Variants in MALRD1 observed in about 807,000 individuals in gnomAD.
MALRD1 encodes MAM and LDL receptor class A domain containing 1.
A neutral mutation model predicts 242.1 loss-of-function variants in MALRD1; 247 were observed. The observed-to-expected ratio is 1.02, with a 90% CI of 0.92 to 1.13. MALRD1 has a LOEUF of 1.13. Among genes scored for constraint, MALRD1 ranks in the 50% most tolerant of loss-of-function variants. The pLI is 0.00. For missense variants in MALRD1, 2,989 were observed against 2,533.1 expected (o/e 1.18, Z -3.86); for synonymous variants, 995 against 866.6 (o/e 1.15, Z -2.60).
chr10:19,280,699 CCT>C (rs955256255), intron 20 of MALRD1, among the ~76,000 whole-genome samples: 50 of 152,264 alleles, frequency 3.3e-4, no homozygotes, highest in African/African-American at 1.1e-3. Flanking sequence ...ACCTTTATCC[CCT>C]GTGTCCTGGT....
intron 29 of MALRD1, among the ~76,000 whole-genome samples, chr10:19,454,256 A>G (rs1438394968): frequency 2.6e-5 from 4 of 151,856 alleles, no homozygotes; most frequent in African/African-American, 9.7e-5. Context: ...AGGACAAACC[A>G]CAAACAGTGA....
chr10:19,344,722 G>A (rs1011043298), intron 24 of MALRD1, among the ~76,000 whole-genome samples: 1 of 126,640 alleles, frequency 7.9e-6, no homozygotes, highest in Non-Finnish European at 1.6e-5. Context: ...ATGTCAATTG[G>A]GGGGGGGGAG....
chr10:19,428,772 T>A (rs1834002821), intron 28 of MALRD1, among the ~76,000 whole-genome samples: 1 of 152,194 alleles, frequency 6.6e-6, no homozygotes, highest in African/African-American at 2.4e-5. Context: ...TATAAGTTAA[T>A]CCCATTTTGT....
intron 36 of MALRD1, among the ~76,000 whole-genome samples, chr10:19,682,891 G>T (rs1474878231): frequency 6.6e-6 from 1 of 152,076 alleles, no homozygotes; most frequent in Non-Finnish European, 1.5e-5. Context: ...ACCTCATCTG[G>T]GCATGGGGAA....
intron 13 of MALRD1, among the ~76,000 whole-genome samples, chr10:19,166,407 G>T (rs956415519): frequency 6.6e-6 from 1 of 152,164 alleles, no homozygotes; most frequent in Non-Finnish European, 1.5e-5. Context: ...GAGAATGGTG[G>T]TTACTAGAGG....
At chr10:19,376,991 AAGG>A (rs1387122022) in intron 26 of MALRD1, among the ~76,000 whole-genome samples, 2 of 152,204 alleles carry the variant, frequency 1.3e-5, no homozygotes, top group Non-Finnish European at 2.9e-5. Context: ...TATTAAGTAA[AAGG>A]AGAATGATTA....
At chr10:19,586,652 G>T (rs1837423025) in intron 33 of MALRD1, among the ~76,000 whole-genome samples, 1 of 152,208 alleles carries the variant, frequency 6.6e-6, no homozygotes, top group Admixed American at 6.5e-5. Context: ...GGACATTTAA[G>T]TTTGCAGAGG....
chr10:19,124,000 G>A (rs1237002463), intron 6 of MALRD1, among the ~76,000 whole-genome samples: 4 of 143,156 alleles, frequency 2.8e-5, no homozygotes, highest in East Asian at 4.1e-4. Flanking sequence ...GAGGCCAAGA[G>A]CTCAAAATTA....
At chr10:19,385,422 C>T (rs557277435) in intron 26 of MALRD1, among the ~76,000 whole-genome samples, 2 of 152,056 alleles carry the variant, frequency 1.3e-5, no homozygotes, top group South Asian at 2.1e-4. Flanking sequence ...TCTCATTACT[C>T]ATTATTGATC....
intron 14 of MALRD1, among the ~76,000 whole-genome samples, chr10:19,191,930 G>A (rs1442144602): frequency 2.0e-5 from 3 of 152,056 alleles, no homozygotes; most frequent in Admixed American, 6.6e-5. Context: ...CCTGGGAAGC[G>A]GAGGTTGTAG....
At chr10:19,337,846 A>C (rs1843677375) in intron 24 of MALRD1, among the ~76,000 whole-genome samples, 1 of 151,986 alleles carries the variant, frequency 6.6e-6, no homozygotes, top group South Asian at 2.1e-4. Context: ...GTGGATCATG[A>C]GGTCAGGAGA....
chr10:19,049,043 A>T lies in MALRD1; in HGVS notation c.105A>T (p.Thr35=), dbSNP rs1207428900. 8.1e-7 allele frequency: 1 copy of T among 1,233,918 alleles called. No individual in the cohort carries two copies. The highest frequency in any genetic ancestry group is 3.2e-5 in the East Asian group (1 of 31,700). 76.4% of individuals were successfully genotyped at this position (1,233,918 alleles called of 1,614,324 possible). ...VFNSTLAQQG[T]ESFQCDNGVS... ...ATTCTACACTGGCTCAGCAAGGGAC[A>T]GAAAGCTTTCAGTGTGACAATGGAG... The change falls in exon 1 of 40, where the codon ACA becomes ACT. Residue 35 remains threonine, a synonymous_variant. Transcript: ENST00000454679.
chr10:19,283,914 T>C (rs563112994), intron 21 of MALRD1, among the ~76,000 whole-genome samples: 1 of 152,314 alleles, frequency 6.6e-6, no homozygotes, highest in South Asian at 2.1e-4. Context: ...AAACAGATGA[T>C]CCTTGCTCTC....
At chr10:19,165,450 G>A (rs1428273746) in intron 12 of MALRD1, among the ~76,000 whole-genome samples, 187 bp from the exon 13 acceptor site, 1 of 151,410 alleles carries the variant, frequency 6.6e-6, no homozygotes, top group Non-Finnish European at 1.5e-5. Context: ...TTACACGCAT[G>A]CACCACCACA....
At chr10:19,252,221 G>A (rs1839321150) in intron 18 of MALRD1, among the ~76,000 whole-genome samples, 1 of 151,982 alleles carries the variant, frequency 6.6e-6, no homozygotes, top group South Asian at 2.1e-4. Flanking sequence ...ATGTCTTCTT[G>A]TGAGATATCC....
intron 28 of MALRD1, among the ~76,000 whole-genome samples, chr10:19,411,812 A>C (rs1241428120): frequency 6.6e-6 from 1 of 152,164 alleles, no homozygotes; most frequent in Non-Finnish European, 1.5e-5. Flanking sequence ...GGTAAGAGAA[A>C]ATTTTAATTA....
intron 13 of MALRD1, among the ~76,000 whole-genome samples, chr10:19,174,148 C>T (rs1213560511): frequency 6.6e-6 from 1 of 152,070 alleles, no homozygotes; most frequent in African/African-American, 2.4e-5. Flanking sequence ...TTGGAGAGAA[C>T]TCAGCAAAGA....
At chr10:19,593,666 C>T (rs1456556045) in intron 33 of MALRD1, among the ~76,000 whole-genome samples, 1 of 152,176 alleles carries the variant, frequency 6.6e-6, no homozygotes, top group African/African-American at 2.4e-5. Context: ...TATATGTTCA[C>T]ATACATTCTC....
chr10:19,676,169 G>T (rs143769989), intron 36 of MALRD1, among the ~76,000 whole-genome samples: 102 of 152,300 alleles, frequency 6.7e-4, no homozygotes, highest in African/African-American at 2.3e-3. Context: ...CGAGAAGCCA[G>T]ATAACAAGAT....
Sources: allele counts gnomAD v4.1 joint callset (sites outside exome capture counted in the v4.1 genomes callset), GRCh38; gene constraint gnomAD v4.1.1; transcripts MANE v1.5; gene names NCBI Gene and HGNC (gene_info 2026-07-23, HGNC 2026-07-21).